The following TJP2 variants were observed in gnomAD, a reference collection of about 807,000 sequenced individuals.
TJP2 encodes the protein Friedreich ataxia region gene X104 (tight junction protein ZO-2).
In TJP2, 91 loss-of-function variants were observed where a neutral mutation model predicts 133.1. The observed-to-expected ratio is 0.68, with a 90% confidence interval of 0.58 to 0.81. TJP2 has a LOEUF of 0.81. TJP2 is among the 40% of genes least tolerant of loss of function. The pLI is 0.00. For missense variants in TJP2, 1,541 were observed against 1,565.6 expected, an observed-to-expected ratio of 0.98 and a Z score of 0.26; for synonymous variants, 592 against 583.4, an observed-to-expected ratio of 1.01 and a Z score of -0.21.
At chr9:69,202,387 G>A (rs140488499) in intron 1 of TJP2, among the ~76,000 whole-genome samples, 2 of 152,204 alleles carry the variant, frequency 1.3e-5, no homozygotes, top group African/African-American at 4.8e-5. Flanking sequence ...ATGAGTTTTG[G>A]TGGGACACAT....
At chr9:69,175,493 G>C (rs544144764) in intron 1 of TJP2, among the ~76,000 whole-genome samples, 1 of 152,316 alleles carries the variant, frequency 6.6e-6, no homozygotes, top group Admixed American at 6.5e-5. Context: ...GCAGGAGATC[G>C]CTTGAAGTGA....
intron 1 of TJP2, among the ~76,000 whole-genome samples, chr9:69,142,033 C>CT (rs1394386132): frequency 6.6e-6 from 1 of 152,170 alleles, no homozygotes; most frequent in East Asian, 1.9e-4. Context: ...AGTCTTTCCC[C>CT]TGTGTCATGG....
rs370164683 is a variant in TJP2, at chr9:69,248,086, C to T, written c.2742C>T (p.Cys914=). ...LTAMGADYLS[C]DSRLISDFED... is the part of the protein sequence containing the mutation. ...CCATGGGCGCGGACTATCTGAGTTG[C>T]GACAGCCGCCTCATCAGTGACTTTG... The change falls in exon 19 of 23, where the codon TGC becomes TGT. Residue 914 remains cysteine, a synonymous_variant. Coordinates refer to ENST00000377245, the MANE Select transcript of TJP2 (RefSeq NM_004817.4). The T allele has an allele frequency of 1.8e-5, 29 of 1,614,102 alleles. No homozygotes were observed. The highest frequency in any genetic ancestry group is 1.3e-4 in the South Asian group (12 of 91,070).
At chr9:69,175,328 C>T (rs1330877841) in intron 1 of TJP2, among the ~76,000 whole-genome samples, 10 of 152,194 alleles carry the variant, frequency 6.6e-5, no homozygotes, top group Non-Finnish European at 1.5e-5. Context: ...GCTCTCAGCC[C>T]GGGGAATCCC....
intron 3 of TJP2, 126 bp downstream of exon 3, chr9:69,216,589 GAA>G (rs956520589): frequency 1.9e-6 from 2 of 1,078,678 alleles, no homozygotes; most frequent in African/African-American, 3.2e-5. Flanking sequence ...TATAATATTT[GAA>G]AAGTCTTCAA....
In TJP2 at chr9:69,248,062, C is replaced by A; in HGVS notation, c.2718C>A (p.Ala906=). The A allele has an allele frequency of 6.2e-7, 1 of 1,614,020 alleles. No individual in the cohort carries two copies. Among genetic ancestry groups the A allele is most frequent in the Non-Finnish European group, 8.5e-7 (1 of 1,179,938 alleles). ...DPEDRMSYLT[A]MGADYLSCDS... ...AAGACCGCATGTCCTACTTAACCGCCATGGGCGCGGACTATCTGAGTTGCG... is the reference window on the plus strand; with the variant it reads ...AAGACCGCATGTCCTACTTAACCGCAATGGGCGCGGACTATCTGAGTTGCG... Residue 906 remains alanine (A), a synonymous_variant, in exon 19 of 23, where the codon GCC becomes GCA. Transcript: ENST00000377245.
chr9:69,147,005 T>C (rs750170996), intron 1 of TJP2, among the ~76,000 whole-genome samples: 10 of 152,312 alleles, frequency 6.6e-5, no homozygotes, highest in East Asian at 1.9e-4. Context: ...ATTTTAATTA[T>C]ATTATTGTTA....
chr9:69,128,486 G>T (rs1314084593), intron 1 of TJP2, among the ~76,000 whole-genome samples: 9 of 151,114 alleles, frequency 6.0e-5, no homozygotes. Context: ...GATGGCTAAT[G>T]ATGTTGAATA....
chr9:69,231,706 A>C (rs1228003482), intron 11 of TJP2, among the ~76,000 whole-genome samples: 1 of 152,136 alleles, frequency 6.6e-6, no homozygotes, highest in Non-Finnish European at 1.5e-5. Context: ...CTTTTCAGTG[A>C]AATTCTAGAC....
At chr9:69,223,297 T>C (rs1829052276) in intron 5 of TJP2, among the ~76,000 whole-genome samples, 1 of 150,784 alleles carries the variant, frequency 6.6e-6, no homozygotes, top group African/African-American at 2.4e-5. Flanking sequence ...TTCTGTTTTG[T>C]TTTGTTTTGT....
rs139281044 is a variant in TJP2 at position 69,207,450 on chromosome 9, G to A, written c.61-5098G>A. Among the ~76,000 whole-genome samples, 14 of 152,256 alleles carry A rather than the reference G, an allele frequency of 9.2e-5. No homozygotes were observed. The East Asian group carries it at 2.7e-3, about 29-fold the overall frequency. On this transcript the variant is annotated intron_variant, in intron 1 of 22. Transcript: ENST00000377245. ...AATAATGTATCAATTTGTCCATCCT[G>A]CCCTTGAGAGATACTGGGATATTTT...
At chr9:69,228,558 A>G (rs550059414) in intron 9 of TJP2, among the ~76,000 whole-genome samples, 16 of 152,312 alleles carry the variant, frequency 1.1e-4, no homozygotes, top group Admixed American at 1.0e-3. Flanking sequence ...ATATGTATAC[A>G]TATATGTATG....
At chr9:69,213,670 C>T (rs1828116804) in intron 2 of TJP2, among the ~76,000 whole-genome samples, 1 of 152,218 alleles carries the variant, frequency 6.6e-6, no homozygotes, top group Non-Finnish European at 1.5e-5. Context: ...ACAATTTCCT[C>T]ATTTGAGGGG....
intron 2 of TJP2, among the ~76,000 whole-genome samples, chr9:69,153,408 C>A (rs534465795): frequency 1.3e-5 from 2 of 152,178 alleles, no homozygotes; most frequent in Admixed American, 6.5e-5. Flanking sequence ...CATGGCGAAA[C>A]CCCATCTCTG....
Position 69,227,837 on chromosome 9 carries a change from A to G in TJP2, c.1283A>G (p.Tyr428Cys). The G allele has an allele frequency of 6.2e-7, 1 of 1,614,068 alleles. No homozygotes were observed. The highest frequency in any genetic ancestry group is 1.1e-5 in the South Asian group (1 of 91,082). ...ERRHQYSDYD[Y>C]HSSSEKLKER... ...CGTCATCAGTATTCTGATTATGATT[A>G]TCATTCCTCAAGTGAGAAGCTGAAG... Residue 428 changes from tyrosine to cysteine, a missense_variant, in exon 8 of 23, where the codon TAT (tyrosine) becomes TGT (cysteine). Tyr to Cys is a radical substitution (Grantham distance 194). Transcript: ENST00000377245.
intron 2 of TJP2, among the ~76,000 whole-genome samples, chr9:69,153,062 TAAA>T (rs946692657): frequency 6.7e-6 from 1 of 150,204 alleles, no homozygotes; most frequent in Admixed American, 6.7e-5. Context: ...TGTCTCTATT[TAAA>T]AAAAAATAAT....
At chr9:69,149,670 T>G (rs1022518723) in intron 1 of TJP2, among the ~76,000 whole-genome samples, 2 of 152,218 alleles carry the variant, frequency 1.3e-5, no homozygotes, top group Non-Finnish European at 2.9e-5. Context: ...TTCCTGTGAC[T>G]GCCCGAGTGA....
chr9:69,145,128 CTTAA>C (rs1424901072), intron 1 of TJP2, among the ~76,000 whole-genome samples: 3 of 152,162 alleles, frequency 2.0e-5, no homozygotes, highest in Admixed American at 2.0e-4. Context: ...CAAATTGTTT[CTTAA>C]TTAATTAATC....
chr9:69,122,936 T>C (rs912933915), intron 1 of TJP2, among the ~76,000 whole-genome samples: 1 of 152,222 alleles, frequency 6.6e-6, no homozygotes, highest in Admixed American at 6.5e-5. Context: ...TTCTAGTTGC[T>C]GATAGGGTGA....
Sources: gnomAD v4.1 joint callset for allele counts (sites outside exome capture counted in the v4.1 genomes callset) on GRCh38, gnomAD v4.1.1 for gene constraint, MANE v1.5 for transcripts, NCBI Gene and HGNC (gene_info 2026-07-23, HGNC 2026-07-21) for gene names.